STON1: variants seen among roughly 807,000 people sequenced by gnomAD.
STON1 encodes stonin 1.
STON1 carries 79 observed loss-of-function variants against 60.9 expected under a neutral mutation model. The observed-to-expected ratio is 1.30, with a 90% CI of 1.08 to 1.56. STON1 has a LOEUF of 1.56. Among genes scored for constraint, STON1 ranks in the 40% most tolerant of loss-of-function variants. STON1 has a pLI of 0.00. For missense variants in STON1, 1,166 were observed against 858.9 expected (o/e 1.36, Z -4.47); for synonymous variants, 363 against 306.9 (o/e 1.18, Z -1.91).
intron 1 of STON1, among the ~76,000 whole-genome samples, chr2:48,578,771 A>G (rs560198940): frequency 6.6e-6 from 1 of 151,660 alleles, no homozygotes; most frequent in South Asian, 2.1e-4. Context: ...TTGTATTTTT[A>G]GTAGAGACTG....
chr2:48,553,365 TCTTCCCTTCC>T (rs938150551), intron 1 of STON1, among the ~76,000 whole-genome samples: 2 of 150,032 alleles, frequency 1.3e-5, no homozygotes, highest in African/African-American at 2.5e-5. Flanking sequence ...CCTTCCCTTC[TCTTCCCTTCC>T]CTTCCCTTCC....
chr2:48,563,670 CTTTT>C (rs550156629), intron 1 of STON1, among the ~76,000 whole-genome samples: 18 of 146,490 alleles, frequency 1.2e-4, no homozygotes, highest in Non-Finnish European at 2.7e-4. Flanking sequence ...CTCCACGTGG[CTTTT>C]TTTGTTTGTT....
chr2:48,550,170 TCAA>T (rs1672038666), intron 1 of STON1, among the ~76,000 whole-genome samples: 2 of 152,052 alleles, frequency 1.3e-5, no homozygotes, highest in South Asian at 4.2e-4. Flanking sequence ...TCAGCAGCTA[TCAA>T]CAAGTACTCA....
chr2:48,543,469 A>G (rs1301049550), intron 1 of STON1, among the ~76,000 whole-genome samples: 1 of 146,220 alleles, frequency 6.8e-6, no homozygotes, highest in African/African-American at 2.5e-5. Flanking sequence ...TCTTTGCCTT[A>G]TTTGTTAATG....
In STON1 at chr2:48,572,601, C is replaced by T. The variant is rs1034838903; in HGVS notation, c.-47-7986C>T. ...AAGCAAAAACTGAAGAAACCAACAC[C>T]ACTGTTGCAAATTTTGAAGCTACAA... On this transcript the variant is annotated intron_variant, in intron 1 of 3. Coordinates refer to ENST00000404752, the MANE Select transcript of STON1 (RefSeq NM_006873.4). Among the ~76,000 whole-genome samples the T allele has an allele frequency of 2.6e-5, 4 of 152,132 alleles. No individual in the cohort carries two copies. In the South Asian group the frequency reaches 8.3e-4, roughly 32 times the overall value.
intron 1 of STON1, among the ~76,000 whole-genome samples, chr2:48,542,577 A>T (rs1393169775): frequency 6.6e-6 from 1 of 152,126 alleles, no homozygotes; most frequent in African/African-American, 2.4e-5. Context: ...CCACTCTCCT[A>T]TTCTTATTCT....
At chr2:48,552,241 A>G (rs1230611389) in intron 1 of STON1, among the ~76,000 whole-genome samples, 1 of 152,254 alleles carries the variant, frequency 6.6e-6, no homozygotes, top group African/African-American at 2.4e-5. Context: ...GAAATAAGCC[A>G]GACACAAGAG....
In STON1 at chr2:48,530,168, CCTGGTGTGG is replaced by C. The variant is rs1308053131; in HGVS notation, c.-91_-83del. 5 of 414,528 alleles carry C rather than the reference CCTGGTGTGG, an allele frequency of 1.2e-5. No individual in the cohort carries two copies. The highest frequency in any genetic ancestry group is 2.7e-5 in the Admixed American group (1 of 37,020). 25.7% of individuals were successfully genotyped at this position (414,528 alleles called of 1,614,324 possible). ...TCCTCCCCCTCCTCTTCCTCCGCCT[CCTGGTGTGG>C]CTGGCTGCGGCCAGAATCGGAGCCC... On this transcript the variant is annotated 5_prime_UTR_variant, in exon 1 of 4. Transcript: ENST00000404752.
intron 1 of STON1, among the ~76,000 whole-genome samples, chr2:48,576,185 C>CT (rs34849002): frequency 0.15 from 9,322 of 62,586 alleles, 1,603 homozygotes; most frequent in South Asian, 0.22. Context: ...GTTTTCCTTT[C>CT]TTTTTTTTTT....
intron 1 of STON1, among the ~76,000 whole-genome samples, chr2:48,534,648 G>T (rs1426161490): frequency 6.6e-6 from 1 of 152,220 alleles, no homozygotes; most frequent in South Asian, 2.1e-4. Flanking sequence ...GTCAGGCATG[G>T]TTGCACATGC....
At chr2:48,584,992 T>G (rs11678306) in intron 2 of STON1, among the ~76,000 whole-genome samples, 48,997 of 151,964 alleles carry the variant, frequency 0.32, 8,079 homozygotes, top group East Asian at 0.42. Context: ...TACATTGTCT[T>G]TCTTCCTGAC....
intron 1 of STON1, among the ~76,000 whole-genome samples, chr2:48,545,875 G>GCTAA (rs1387965902): frequency 6.6e-6 from 1 of 152,202 alleles, no homozygotes; most frequent in Non-Finnish European, 1.5e-5. Flanking sequence ...TGGTCATGAT[G>GCTAA]CTAAGGCTGA....
rs1674765949 is a variant in STON1, at chr2:48,595,919, T to C, written c.*617T>C. On this transcript the variant is annotated 3_prime_UTR_variant, in exon 4 of 4. Coordinates refer to ENST00000404752, the MANE Select transcript of STON1 (RefSeq NM_006873.4). ...GTCTCTCTCCTACTGTATTGTCATT[T>C]TCAAAATGTGTTTGTTTTCTGGCGC... The C allele has an allele frequency of 6.6e-6, 1 of 152,238 alleles. No individual in the cohort carries two copies. The highest frequency in any genetic ancestry group is 6.5e-5 in the Admixed American group (1 of 15,282). 9.4% of individuals were successfully genotyped at this position (152,238 alleles called of 1,614,324 possible).
At chr2:48,587,589 C>A (rs191758903) in intron 2 of STON1, among the ~76,000 whole-genome samples, 100 of 152,240 alleles carry the variant, frequency 6.6e-4, no homozygotes, top group African/African-American at 2.3e-3. Context: ...CTGCGTCCGG[C>A]CTCCCATGAG....
chr2:48,562,539 CACTTT>C (rs1047281389), intron 1 of STON1, among the ~76,000 whole-genome samples: 6 of 152,206 alleles, frequency 3.9e-5, no homozygotes, highest in African/African-American at 1.4e-4. Flanking sequence ...TACTTATTTT[CACTTT>C]ACAGAAAAGC....
chr2:48,580,438 C>A (rs1451313867), intron 1 of STON1, 149 bp from the exon 2 acceptor site: 2 of 772,602 alleles, frequency 2.6e-6, no homozygotes, highest in Admixed American at 8.9e-5. Flanking sequence ...TTATAGACAG[C>A]ATACAGTTGG....
chr2:48,537,343 C>G (rs1008773513), intron 1 of STON1, among the ~76,000 whole-genome samples: 1 of 152,090 alleles, frequency 6.6e-6, no homozygotes, highest in Non-Finnish European at 1.5e-5. Flanking sequence ...ATATATTTTA[C>G]TTAATGCTTT....
chr2:48,575,885 A>G (rs1055021687), intron 1 of STON1, among the ~76,000 whole-genome samples: 1 of 150,264 alleles, frequency 6.7e-6, no homozygotes, highest in Non-Finnish European at 1.5e-5. Context: ...CAGCCTCCCA[A>G]GCAGCTGAGA....
intron 1 of STON1, among the ~76,000 whole-genome samples, chr2:48,557,362 A>G (rs1363329137): frequency 3.1e-5 from 3 of 97,406 alleles, no homozygotes; most frequent in South Asian, 8.3e-4. Context: ...GGCGCTCCCC[A>G]CATCTCAGAC....
Sources: gnomAD v4.1 joint callset for allele counts (sites outside exome capture counted in the v4.1 genomes callset) on GRCh38, gnomAD v4.1.1 for gene constraint, MANE v1.5 for transcripts, NCBI Gene and HGNC (gene_info 2026-07-23, HGNC 2026-07-21) for gene names.